Variants in ZNF804A observed in about 807,000 individuals in gnomAD.
ZNF804A encodes the protein zinc finger protein 804A.
Under a neutral mutation model 16.5 loss-of-function variants are expected in ZNF804A, and 2 were observed. That is an observed-to-expected ratio of 0.12 (90% CI 0.05 to 0.38). The LOEUF (loss-of-function observed/expected upper bound fraction) is 0.38, where lower values mean the gene tolerates loss of function less well. Among genes scored for constraint, ZNF804A ranks in the 10% least tolerant of loss-of-function variants. The pLI, the probability that ZNF804A is intolerant of heterozygous loss-of-function variation, is 0.99. For synonymous variants in ZNF804A, 534 were observed against 489.6 expected, an observed-to-expected ratio of 1.09 and a Z score of -1.20; for missense variants, 1,473 against 1,390.7, an observed-to-expected ratio of 1.06 and a Z score of -0.94.
At chr2:184,858,915 A>G (rs1695747838) in intron 1 of ZNF804A, among the ~76,000 whole-genome samples, 1 of 152,192 alleles carries the variant, frequency 6.6e-6, no homozygotes, top group African/African-American at 2.4e-5. Flanking sequence ...TCTAAAACAC[A>G]GATTTGCTGG....
chr2:184,867,622 G>C (rs1234845960), intron 2 of ZNF804A, among the ~76,000 whole-genome samples: 2 of 151,952 alleles, frequency 1.3e-5, no homozygotes, highest in Non-Finnish European at 1.5e-5. Flanking sequence ...TCTTTCCCCT[G>C]GTAGTAGATC....
intron 1 of ZNF804A, among the ~76,000 whole-genome samples, chr2:184,853,051 G>A (rs955428784): frequency 1.3e-5 from 2 of 151,702 alleles, no homozygotes; most frequent in Non-Finnish European, 3.0e-5. Flanking sequence ...ATATTTTAAA[G>A]TATTAATCCT....
At chr2:184,898,584 T>C (rs184343920) in intron 2 of ZNF804A, among the ~76,000 whole-genome samples, 1 of 152,192 alleles carries the variant, frequency 6.6e-6, no homozygotes, top group Admixed American at 6.5e-5. Context: ...AGAAATAGAA[T>C]AAAGGGTCTG....
intron 1 of ZNF804A, among the ~76,000 whole-genome samples, chr2:184,739,943 C>T (rs1473532195): frequency 6.6e-6 from 1 of 152,006 alleles, no homozygotes; most frequent in Non-Finnish European, 1.5e-5. Context: ...TCATTTTCTT[C>T]AAAAAAATTA....
chr2:184,667,456 A>G (rs1404672471), intron 1 of ZNF804A, among the ~76,000 whole-genome samples: 1 of 151,886 alleles, frequency 6.6e-6, no homozygotes, highest in Non-Finnish European at 1.5e-5. Flanking sequence ...ACACATATTG[A>G]CATATACTGG....
At chr2:184,677,870 A>G (rs1211303914) in intron 1 of ZNF804A, among the ~76,000 whole-genome samples, 1 of 151,930 alleles carries the variant, frequency 6.6e-6, no homozygotes, top group Non-Finnish European at 1.5e-5. Context: ...TTCTATTGGA[A>G]TTCGGTCCCA....
chr2:184,913,109 G>T (rs986133785), intron 2 of ZNF804A, among the ~76,000 whole-genome samples: 2 of 152,094 alleles, frequency 1.3e-5, no homozygotes, highest in South Asian at 2.1e-4. Flanking sequence ...TTTTTTAAAT[G>T]GTGTGAGGTA....
intron 1 of ZNF804A, among the ~76,000 whole-genome samples, chr2:184,649,587 A>G (rs72897802): frequency 0.11 from 16,597 of 152,036 alleles, 1,175 homozygotes; most frequent in Non-Finnish European, 0.16. Flanking sequence ...GACAAAGGTG[A>G]CATTACAACT....
chr2:184,661,513 GT>G (rs1350916087), intron 1 of ZNF804A, among the ~76,000 whole-genome samples: 1 of 152,220 alleles, frequency 6.6e-6, no homozygotes, highest in Non-Finnish European at 1.5e-5. Flanking sequence ...GACCCTAAAA[GT>G]GGGGTAGCCA....
intron 1 of ZNF804A, among the ~76,000 whole-genome samples, chr2:184,737,136 A>G (rs1693632273): frequency 6.6e-6 from 1 of 151,224 alleles, no homozygotes; most frequent in African/African-American, 2.4e-5. Flanking sequence ...GGCTCACTGC[A>G]AGCTCCACCT....
rs893314450 is a variant in ZNF804A at position 184,910,275 on chromosome 2, G to T, written c.256-23328G>T. Among the ~76,000 whole-genome samples, 11 of 152,004 alleles carry T rather than the reference G, an allele frequency of 7.2e-5. No homozygotes were observed. The South Asian group carries it at 2.3e-3, about 32-fold the overall frequency. On this transcript the variant is annotated intron_variant, in intron 2 of 3. Coordinates refer to ENST00000302277, the MANE Select transcript of ZNF804A (RefSeq NM_194250.2). ...TTGCTCAGGATAATGGCCTCCAGCT[G>T]CATTCATGTTGCTGTAAAGGACATG...
intron 1 of ZNF804A, among the ~76,000 whole-genome samples, chr2:184,682,465 T>A: frequency 6.6e-6 from 1 of 152,198 alleles, no homozygotes; most frequent in East Asian, 1.9e-4. Context: ...TAGCTACATT[T>A]GATTTTTTTT....
intron 2 of ZNF804A, among the ~76,000 whole-genome samples, chr2:184,868,539 G>A (rs377057426): frequency 7.0e-4 from 106 of 152,152 alleles, no homozygotes; most frequent in African/African-American, 2.5e-3. Context: ...GATAATGGCT[G>A]TACTTGACAC....
chr2:184,657,444 G>A (rs939615107), intron 1 of ZNF804A, among the ~76,000 whole-genome samples: 2 of 152,108 alleles, frequency 1.3e-5, no homozygotes, highest in African/African-American at 4.8e-5. Flanking sequence ...TTCAGGAATT[G>A]CTCTTAGTAG....
At chr2:184,661,915 A>G (rs1314393697) in intron 1 of ZNF804A, among the ~76,000 whole-genome samples, 1 of 152,230 alleles carries the variant, frequency 6.6e-6, no homozygotes, top group Admixed American at 6.5e-5. Context: ...ATTTGGAATT[A>G]ATTTTAACAT....
chr2:184,771,505 G>T (rs1168037737), intron 1 of ZNF804A, among the ~76,000 whole-genome samples: 1 of 151,800 alleles, frequency 6.6e-6, no homozygotes, highest in Admixed American at 6.6e-5. Context: ...CCAGCACTTT[G>T]GGAGGCCAAG....
chr2:184,637,297 C>T (rs2054548), intron 1 of ZNF804A, among the ~76,000 whole-genome samples: 83,980 of 151,822 alleles, frequency 0.55, 24,092 homozygotes, highest in African/African-American at 0.65. Flanking sequence ...AAACTTGGCA[C>T]ATTTTTTTTA....
intron 3 of ZNF804A, 54 bp from the exon 4 acceptor site, chr2:184,935,729 T>C (rs897626286): frequency 4.9e-6 from 7 of 1,430,286 alleles, no homozygotes; most frequent in Admixed American, 4.8e-5. Flanking sequence ...TATTTGACTA[T>C]TTTTTTTTCT....
At chr2:184,763,006 A>G (rs186161995) in intron 1 of ZNF804A, among the ~76,000 whole-genome samples, 34 of 152,298 alleles carry the variant, frequency 2.2e-4, no homozygotes, top group African/African-American at 7.2e-4. Flanking sequence ...AGTCATTAGA[A>G]TATGTAAAAA....
Sources: allele counts gnomAD v4.1 joint callset (sites outside exome capture counted in the v4.1 genomes callset), GRCh38; gene constraint gnomAD v4.1.1; transcripts MANE v1.5; gene names NCBI Gene and HGNC (gene_info 2026-07-23, HGNC 2026-07-21).